The following COIL variants were observed in gnomAD, a reference collection of about 807,000 sequenced individuals.
COIL encodes coilin p80.
COIL carries 28 observed loss-of-function variants against 51.6 expected under a neutral mutation model. That is an observed-to-expected ratio of 0.54 (90% CI 0.40 to 0.74). COIL has a LOEUF of 0.74. Among genes scored for constraint, COIL ranks in the 30% least tolerant of loss-of-function variants. The pLI, the probability that COIL is intolerant of heterozygous loss-of-function variation, is 0.00. For synonymous variants in COIL, 233 were observed against 255.8 expected (o/e 0.91, Z 0.85); for missense variants, 667 against 685.9 (o/e 0.97, Z 0.31).
At chr17:56,940,887 C>A (rs1483262378) in intron 6 of COIL, 2 of 152,158 alleles carry the variant, frequency 1.3e-5, no homozygotes, top group Non-Finnish European at 2.9e-5. Flanking sequence ...GTAATCCTAG[C>A]ACTTTGGGAG....
At chr17:56,951,202 T>C (rs2144399786) in intron 1 of COIL, among the ~76,000 whole-genome samples, 1 of 152,388 alleles carries the variant, frequency 6.6e-6, no homozygotes, top group East Asian at 1.9e-4. Context: ...CTAGTTTTAT[T>C]TATTGAATAG....
Position 56,950,000 on chromosome 17 carries a change from C to G in COIL, c.1242G>C (p.Gly414=), listed in dbSNP as rs774397680. The change falls in exon 2 of 7, where the codon GGG becomes GGC. Residue 414 remains glycine, a synonymous_variant. Transcript: ENST00000240316. The part of the protein sequence containing the change: ...WKGAKGRGMR[G]RGRGRGHPVS... ...CAGGATGCCCTCGTCCTCGACCTCTCCCCCGCATGCCCCGTCCCTTAGCTC... is the reference window on the plus strand; with the variant it reads ...CAGGATGCCCTCGTCCTCGACCTCTGCCCCGCATGCCCCGTCCCTTAGCTC... 6.2e-7 allele frequency: 1 copy of G among 1,614,148 alleles called. No homozygotes were observed. The highest frequency in any genetic ancestry group is 8.5e-7 in the Non-Finnish European group (1 of 1,180,018).
In COIL at chr17:56,950,621, T is replaced by C; in HGVS notation, c.621A>G (p.Ala207=). 6.2e-7 allele frequency: 1 copy of C among 1,613,764 alleles called. No individual in the cohort carries two copies. The highest frequency in any genetic ancestry group is 8.5e-7 in the Non-Finnish European group (1 of 1,179,936). Residue 207 remains alanine (A), a synonymous_variant, in exon 2 of 7, where the codon GCA becomes GCG. Transcript: ENST00000240316. ...ATCTCTGATTGGCCCAGTCTTTCAC[T>C]GCCTGTACTTTCGGAGACTTGGGAT... ...AKNPKSPKVQ[A]VKDWANQRCS... is the part of the protein sequence containing the mutation.
At position 56,960,766 on chromosome 17, in the gene COIL, G is replaced by C; in HGVS notation, c.245+9C>G. ...CCCACCCGGCCGTCCCGCTCCCTGC[G>C]CCGCGCACCTGAGGCAGTCGTTGTC... On this transcript the variant is annotated intron_variant, in intron 1 of 6. Transcript: ENST00000240316. The C allele has an allele frequency of 6.5e-7, 1 of 1,537,478 alleles. No homozygotes were observed.
chr17:56,953,279 C>A (rs554531361), intron 1 of COIL, among the ~76,000 whole-genome samples: 2 of 151,680 alleles, frequency 1.3e-5, no homozygotes, highest in African/African-American at 4.8e-5. Context: ...GGCGTGGTGG[C>A]GGGCGCCTGT....
intron 6 of COIL, among the ~76,000 whole-genome samples, chr17:56,939,524 C>T (rs565010087): frequency 1.1e-4 from 16 of 152,086 alleles, no homozygotes; most frequent in African/African-American, 3.1e-4. Context: ...CCAAGGCAGT[C>T]GGATCATCTA....
At chr17:56,953,894 T>A (rs1292510018) in intron 1 of COIL, among the ~76,000 whole-genome samples, 1 of 152,202 alleles carries the variant, frequency 6.6e-6, no homozygotes, top group Non-Finnish European at 1.5e-5. Flanking sequence ...CACATTCCCC[T>A]CTGTTCCCAG....
intron 1 of COIL, among the ~76,000 whole-genome samples, chr17:56,954,657 G>T (rs1285024549): frequency 6.6e-6 from 1 of 151,954 alleles, no homozygotes; most frequent in African/African-American, 2.4e-5. Flanking sequence ...TTCCCCAAGA[G>T]AATAATTTCA....
Position 56,950,960 on chromosome 17 carries a change from A to C in COIL, c.282T>G (p.Ser94=). The part of the protein sequence containing the change: ...KLEERGVAEN[S]VVISNGDINL... ...TAATGTCACCATTACTGATGACTAC[A>C]GAATTCTCAGCAACTCCTCTCTCTT... The change falls in exon 2 of 7, where the codon TCT becomes TCG. Residue 94 remains serine (S), a synonymous_variant. Coordinates refer to ENST00000240316, the MANE Select transcript of COIL (RefSeq NM_004645.3). The C allele has an allele frequency of 1.2e-6, 2 of 1,608,980 alleles. No homozygotes were observed. Among genetic ancestry groups the C allele is most frequent in the Non-Finnish European group, 1.7e-6 (2 of 1,179,378 alleles).
At chr17:56,946,115 GCT>G (rs1239169400) in intron 5 of COIL, among the ~76,000 whole-genome samples, 11 of 152,182 alleles carry the variant, frequency 7.2e-5, no homozygotes, top group African/African-American at 2.4e-4. Flanking sequence ...ATCTTTTATA[GCT>G]GACCCACTCA....
At chr17:56,946,618 G>T in intron 4 of COIL, 107 bp from the exon 5 acceptor site, 1 of 691,206 alleles carries the variant, frequency 1.4e-6, no homozygotes, top group Non-Finnish European at 2.4e-6. Flanking sequence ...TGAATTTTAT[G>T]TTATGTGAAT....
intron 1 of COIL, among the ~76,000 whole-genome samples, chr17:56,956,177 T>G (rs1287684784): frequency 6.6e-6 from 1 of 152,174 alleles, no homozygotes; most frequent in Non-Finnish European, 1.5e-5. Flanking sequence ...AGTAGGAAAC[T>G]TTTTATCTTG....
At position 56,939,017 on chromosome 17, in the gene COIL, A is replaced by G. The variant is rs1005506508; in HGVS notation, c.*54T>C. Reference sequence around the variant, plus strand: ...TTAAAAAAAAAAAAAAGTTTGGGTTATAGTCACTTTCACAAACAAGACATT... The same window carrying G: ...TTAAAAAAAAAAAAAAGTTTGGGTTGTAGTCACTTTCACAAACAAGACATT... On this transcript the variant is annotated 3_prime_UTR_variant, in exon 7 of 7. Transcript: ENST00000240316. 4.9e-6 allele frequency: 5 copies of G among 1,022,708 alleles called. No individual in the cohort carries two copies. Among genetic ancestry groups the G allele is most frequent in the Non-Finnish European group, 5.9e-6 (4 of 675,324 alleles). 63.4% of individuals were successfully genotyped at this position (1,022,708 alleles called of 1,614,324 possible). A position where few individuals can be genotyped will look rare whatever the true frequency, so the allele number is the denominator to read the frequency against.
At chr17:56,960,417 G>C (rs1910567169) in intron 1 of COIL, among the ~76,000 whole-genome samples, 1 of 150,624 alleles carries the variant, frequency 6.6e-6, no homozygotes, top group Non-Finnish European at 1.5e-5. Context: ...CCAGCTACTC[G>C]GGAGGCTGAG....
intron 5 of COIL, among the ~76,000 whole-genome samples, chr17:56,944,038 GTT>G (rs1207223293): frequency 1.4e-5 from 2 of 141,484 alleles, no homozygotes; most frequent in South Asian, 4.5e-4. Flanking sequence ...GCTATGTTTT[GTT>G]TTTTTTTTTT....
chr17:56,957,418 G>A (rs559695594), intron 1 of COIL, among the ~76,000 whole-genome samples: 35 of 152,080 alleles, frequency 2.3e-4, no homozygotes, highest in Admixed American at 1.6e-3. Context: ...TCACAAGTTC[G>A]AGACCAGCCT....
At position 56,949,771 on chromosome 17, in the gene COIL, A is replaced by T; in HGVS notation, c.1354-4T>A. 6.2e-7 allele frequency: 1 copy of T among 1,613,754 alleles called. No individual in the cohort carries two copies. The highest frequency in any genetic ancestry group is 1.1e-5 in the South Asian group (1 of 91,080). ...TCTTGGGTGTCTCTACTGGATTCTG[A>T]AAAACAGTGTTAGTCATGTGACATC... On this transcript the variant is annotated splice_region_variant and splice_polypyrimidine_tract_variant and intron_variant, in intron 2 of 6. Coordinates refer to ENST00000240316, the MANE Select transcript of COIL (RefSeq NM_004645.3).
chr17:56,950,022 G>A lies in COIL; in HGVS notation c.1220C>T (p.Ala407Val). The change falls in exon 2 of 7, where the codon GCT becomes GTT. Residue 407 changes from alanine to valine, a missense_variant. Physicochemically the swap from Ala to Val is moderately conservative, Grantham distance 64. Coordinates refer to ENST00000240316, the MANE Select transcript of COIL (RefSeq NM_004645.3). Reference sequence around the variant, plus strand: ...TCTCCCCCGCATGCCCCGTCCCTTAGCTCCCTTCCAAGAAAAAAGGTTCTC... The same window carrying A: ...TCTCCCCCGCATGCCCCGTCCCTTAACTCCCTTCCAAGAAAAAAGGTTCTC... ...REENLFSWKGAKGRGMRGRGR... is the reference protein window; with the variant it reads ...REENLFSWKGVKGRGMRGRGR... 1 of 1,614,022 alleles carries A rather than the reference G, an allele frequency of 6.2e-7. No homozygotes were observed.
intron 1 of COIL, chr17:56,951,506 T>C (rs1281571665): frequency 1.3e-5 from 2 of 153,290 alleles, no homozygotes; most frequent in African/African-American, 4.8e-5. Flanking sequence ...TGTTTTAATT[T>C]AGGTGAATAC....
Sources: allele counts gnomAD v4.1 joint callset (sites outside exome capture counted in the v4.1 genomes callset), GRCh38; gene constraint gnomAD v4.1.1; transcripts MANE v1.5; gene names NCBI Gene and HGNC (gene_info 2026-07-23, HGNC 2026-07-21).